SNTG2: variants seen among roughly 807,000 people sequenced by gnomAD.
The protein encoded by SNTG2 is syntrophin gamma 2, also known as gamma-2-syntrophin.
A neutral mutation model predicts 70.9 loss-of-function variants in SNTG2; 74 were observed. The ratio of observed to expected loss-of-function variants is 1.04; its 90% CI spans 0.86 to 1.27. The LOEUF is 1.27. Ranked by LOEUF, SNTG2 falls within the 50% of genes most tolerant of loss-of-function variation. The probability of loss-of-function intolerance (pLI) is 0.00; values close to 1 mark genes in which losing one functional copy is unlikely to be tolerated. For missense variants in SNTG2, 717 were observed against 690.7 expected, an observed-to-expected ratio of 1.04 and a Z score of -0.43; for synonymous variants, 278 against 273.8, an observed-to-expected ratio of 1.02 and a Z score of -0.15.
chr2:1,234,931 A>G (rs1295141416), intron 9 of SNTG2, among the ~76,000 whole-genome samples: 1 of 152,236 alleles, frequency 6.6e-6, no homozygotes, highest in African/African-American at 2.4e-5. Context: ...CCCAGTGTTC[A>G]GTCATCCATG....
chr2:1,333,096 ATG>A (rs1491440610), intron 16 of SNTG2, among the ~76,000 whole-genome samples: 1 of 152,238 alleles, frequency 6.6e-6, no homozygotes, highest in African/African-American at 2.4e-5. Context: ...TAAATGAATC[ATG>A]TAAAGTCTCA....
intron 1 of SNTG2, among the ~76,000 whole-genome samples, chr2:956,119 CTGCCCA>C (rs1208469513): frequency 0.017 from 2,271 of 130,988 alleles, 135 homozygotes; most frequent in African/African-American, 0.068. Context: ...TGCCCTGCCC[CTGCCCA>C]TGCCCTGCAC....
chr2:1,000,031 C>T (rs776607128), intron 1 of SNTG2, among the ~76,000 whole-genome samples: 5 of 151,688 alleles, frequency 3.3e-5, no homozygotes, highest in African/African-American at 1.2e-4. Context: ...CCTGAATGAT[C>T]GTGGGGTGAA....
intron 1 of SNTG2, among the ~76,000 whole-genome samples, chr2:1,001,124 T>C (rs750709461): frequency 1.3e-5 from 2 of 151,914 alleles, no homozygotes; most frequent in Non-Finnish European, 2.9e-5. Context: ...TACATAAAAA[T>C]AATAAGAGCC....
intron 1 of SNTG2, among the ~76,000 whole-genome samples, chr2:1,039,431 T>G (rs915141053): frequency 5.3e-5 from 8 of 152,236 alleles, no homozygotes; most frequent in African/African-American, 1.9e-4. Flanking sequence ...TTAAAAAGTC[T>G]TTTGATCTTT....
At chr2:1,271,918 C>T (rs1223920304) in intron 14 of SNTG2, among the ~76,000 whole-genome samples, 1 of 151,816 alleles carries the variant, frequency 6.6e-6, no homozygotes, top group Admixed American at 6.6e-5. Context: ...GTCAAGGAAA[C>T]ACCATTGGCT....
At chr2:1,002,888 A>C (rs142679159) in intron 1 of SNTG2, among the ~76,000 whole-genome samples, 54 of 151,492 alleles carry the variant, frequency 3.6e-4, no homozygotes, top group African/African-American at 1.3e-3. Context: ...AAAATGTTAT[A>C]TATATATATA....
chr2:1,349,353 A>G (rs1320991586), intron 16 of SNTG2, among the ~76,000 whole-genome samples: 1 of 152,254 alleles, frequency 6.6e-6, no homozygotes, highest in Non-Finnish European at 1.5e-5. Context: ...AGCACCAGCT[A>G]CATGACTCCT....
At chr2:1,143,892 C>CG (rs1175028447) in intron 6 of SNTG2, among the ~76,000 whole-genome samples, 4 of 144,796 alleles carry the variant, frequency 2.8e-5, no homozygotes, top group African/African-American at 8.1e-5. Flanking sequence ...ACAACCCCCC[C>CG]CCAGAAAAAG....
At chr2:1,199,744 T>C (rs1300709813) in intron 8 of SNTG2, among the ~76,000 whole-genome samples, 5 of 151,796 alleles carry the variant, frequency 3.3e-5, no homozygotes, top group Admixed American at 6.5e-5. Context: ...AGCTGAAAAA[T>C]AAATCAAGAC....
chr2:1,011,296 G>C (rs554760683), intron 1 of SNTG2, among the ~76,000 whole-genome samples: 1 of 152,296 alleles, frequency 6.6e-6, no homozygotes, highest in African/African-American at 2.4e-5. Flanking sequence ...CCAATTTCTG[G>C]TTACACAGAT....
chr2:954,131 C>G (rs1246948570), intron 1 of SNTG2, among the ~76,000 whole-genome samples: 3 of 152,118 alleles, frequency 2.0e-5, no homozygotes, highest in Non-Finnish European at 4.4e-5. Flanking sequence ...AGGAGCTGCT[C>G]TCAGGCTCTG....
At chr2:1,073,571 TTATCGCAA>T (rs1386385701) in intron 1 of SNTG2, among the ~76,000 whole-genome samples, 4 of 152,260 alleles carry the variant, frequency 2.6e-5, no homozygotes, top group Non-Finnish European at 5.9e-5. Context: ...GTGACTTGCA[TTATCGCAA>T]TATCCACTTG....
intron 16 of SNTG2, among the ~76,000 whole-genome samples, chr2:1,328,839 A>G (rs924019552): frequency 5.9e-5 from 9 of 151,734 alleles, no homozygotes; most frequent in Admixed American, 1.3e-4. Context: ...ATACACACAT[A>G]CACATACACA....
At chr2:1,048,679 G>T (rs1021099566) in intron 1 of SNTG2, among the ~76,000 whole-genome samples, 2 of 152,092 alleles carry the variant, frequency 1.3e-5, no homozygotes, top group African/African-American at 2.4e-5. Flanking sequence ...CAGCTCTGTT[G>T]AGCGAAAACC....
intron 6 of SNTG2, among the ~76,000 whole-genome samples, chr2:1,141,377 C>T (rs149766899): frequency 2.0e-5 from 3 of 152,260 alleles, no homozygotes; most frequent in Non-Finnish European, 2.9e-5. Context: ...CTGTTTCTGG[C>T]GATGTGTGCT....
chr2:1,239,759 T>G lies in SNTG2; in HGVS notation c.871T>G (p.Cys291Gly). Residue 291 changes from cysteine (C) to glycine (G), a missense_variant, in exon 11 of 17, where the codon TGC becomes GGC. By Grantham distance (159) the Cys-to-Gly change is radical. Coordinates refer to ENST00000308624, the MANE Select transcript of SNTG2 (RefSeq NM_018968.4). Reference protein sequence around the residue: ...LQNMKMANKCCSPSDQVVHMG... With the variant: ...LQNMKMANKCGSPSDQVVHMG... ...ACAGATGAAGATGGCGAACAAATGC[T>G]GCTCTCCTTCCGACCAGGTAGGGTT... 1 of 1,613,606 alleles carries G rather than the reference T, an allele frequency of 6.2e-7. No individual in the cohort carries two copies. Among genetic ancestry groups the G allele is most frequent in the African/African-American group, 1.3e-5 (1 of 75,060 alleles).
At chr2:1,160,741 A>C (rs562259748) in intron 6 of SNTG2, 4 of 152,494 alleles carry the variant, frequency 2.6e-5, no homozygotes, top group South Asian at 2.1e-4. Context: ...CTGCAAGAAG[A>C]AGCCCTCTGG....
chr2:1,100,810 A>G (rs961988060), intron 4 of SNTG2, among the ~76,000 whole-genome samples: 4 of 152,130 alleles, frequency 2.6e-5, no homozygotes, highest in African/African-American at 9.7e-5. Context: ...AGAGAATAAG[A>G]CAGTAAGGTT....
Sources: gnomAD v4.1 joint callset for allele counts (sites outside exome capture counted in the v4.1 genomes callset) on GRCh38, gnomAD v4.1.1 for gene constraint, MANE v1.5 for transcripts, NCBI Gene and HGNC (gene_info 2026-07-23, HGNC 2026-07-21) for gene names.